Variants in MAP2K6 observed in about 807,000 individuals in gnomAD.
The protein encoded by MAP2K6 is dual specificity mitogen-activated protein kinase kinase 6.
In MAP2K6, 16 loss-of-function variants were observed where a neutral mutation model predicts 53.7. That is an observed-to-expected ratio of 0.30 (90% CI 0.20 to 0.45). The LOEUF is 0.45. MAP2K6 is among the 20% of genes least tolerant of loss of function. MAP2K6 has a pLI of 1.00. For missense variants in MAP2K6, 204 were observed against 411.9 expected (o/e 0.50, Z 4.37); for synonymous variants, 132 against 143.1 (o/e 0.92, Z 0.55).
At chr17:69,470,967 G>C in intron 1 of MAP2K6, among the ~76,000 whole-genome samples, 1 of 152,104 alleles carries the variant, frequency 6.6e-6, no homozygotes, top group Non-Finnish European at 1.5e-5. Context: ...TGTTTATAGG[G>C]GCAGAGGCCC....
chr17:69,478,382 T>C (rs1908231353), intron 1 of MAP2K6, among the ~76,000 whole-genome samples: 1 of 152,122 alleles, frequency 6.6e-6, no homozygotes, highest in African/African-American at 2.4e-5. Flanking sequence ...AAGAGACATA[T>C]GGGAAGATGG....
chr17:69,450,650 C>T (rs1419034959), intron 1 of MAP2K6, among the ~76,000 whole-genome samples: 1 of 151,684 alleles, frequency 6.6e-6, no homozygotes, highest in South Asian at 2.1e-4. Context: ...TTCCTTGAGA[C>T]ATTTTTAAGA....
At chr17:69,449,519 C>T (rs1205092918) in intron 1 of MAP2K6, among the ~76,000 whole-genome samples, 2 of 118,748 alleles carry the variant, frequency 1.7e-5, no homozygotes, top group Admixed American at 1.7e-4. Context: ...CTTTCTTTGT[C>T]TTTCTTTCTT....
intron 10 of MAP2K6, among the ~76,000 whole-genome samples, chr17:69,527,944 T>C (rs532784649): frequency 6.6e-6 from 1 of 151,848 alleles, no homozygotes; most frequent in African/African-American, 2.4e-5. Context: ...GGTGAAAACC[T>C]GACTCTACTA....
At chr17:69,485,761 C>G (rs1278641567) in intron 1 of MAP2K6, among the ~76,000 whole-genome samples, 1 of 152,162 alleles carries the variant, frequency 6.6e-6, no homozygotes, top group African/African-American at 2.4e-5. Flanking sequence ...CCCACGTTGT[C>G]CCTTGGGACA....
intron 1 of MAP2K6, among the ~76,000 whole-genome samples, chr17:69,468,429 A>G (rs1458289475): frequency 6.6e-6 from 1 of 152,250 alleles, no homozygotes; most frequent in Non-Finnish European, 1.5e-5. Flanking sequence ...ACAGCCAACG[A>G]ATCACTGTTT....
rs995212689 is a variant in MAP2K6, at chr17:69,437,113, C to A, written c.16+22113C>A. On this transcript the variant is annotated intron_variant, in intron 1 of 11. Transcript: ENST00000590474. ...AAGTGCTGGGATTACAGGCGTGAGCCACCGTGCCTGCCTGTATATAACTTT... is the reference window on the plus strand; with the variant it reads ...AAGTGCTGGGATTACAGGCGTGAGCAACCGTGCCTGCCTGTATATAACTTT... Among the ~76,000 whole-genome samples the A allele has an allele frequency of 2.0e-5, 3 of 152,196 alleles. 1 individual carries two copies. In the East Asian group the frequency reaches 5.8e-4, roughly 29 times the overall value.
intron 1 of MAP2K6, among the ~76,000 whole-genome samples, chr17:69,468,915 T>C (rs1463657413): frequency 6.6e-6 from 1 of 152,184 alleles, no homozygotes; most frequent in Non-Finnish European, 1.5e-5. Flanking sequence ...GTGTAAGAGC[T>C]TATTGGTTTC....
chr17:69,502,546 T>G, intron 1 of MAP2K6: 1 of 985,478 alleles, frequency 1.0e-6, no homozygotes, highest in Non-Finnish European at 1.2e-6. Context: ...CTATTTTTTT[T>G]TCTTGTTGTT....
chr17:69,541,936 G>A lies in MAP2K6; in HGVS notation c.*183G>A. On this transcript the variant is annotated 3_prime_UTR_variant, in exon 12 of 12. Transcript: ENST00000590474. ...AGGGGGCCTTGGAATCTATAGTATAGAATGAACTGTCTAGATGGATGAATT... is the reference window on the plus strand; with the variant it reads ...AGGGGGCCTTGGAATCTATAGTATAAAATGAACTGTCTAGATGGATGAATT... 1 of 486,606 alleles carries A rather than the reference G, an allele frequency of 2.1e-6. No individual in the cohort carries two copies. Among genetic ancestry groups the A allele is most frequent in the Non-Finnish European group, 3.9e-6 (1 of 258,394 alleles). The allele number at this position is 486,606 out of a possible 1,614,324, so 30.1% of individuals were successfully genotyped here.
At chr17:69,493,990 AAAGT>A (rs1908851739) in intron 1 of MAP2K6, among the ~76,000 whole-genome samples, 1 of 152,328 alleles carries the variant, frequency 6.6e-6, no homozygotes, top group Admixed American at 6.5e-5. Flanking sequence ...GCATAAATTA[AAAGT>A]AAGTGAGGCC....
At chr17:69,457,209 C>A (rs745489570) in intron 1 of MAP2K6, among the ~76,000 whole-genome samples, 22 of 152,182 alleles carry the variant, frequency 1.4e-4, no homozygotes, top group Non-Finnish European at 3.1e-4. Context: ...CAAAGCATGG[C>A]CCCTGCTAGT....
At chr17:69,531,972 TC>T (rs1393939973) in intron 10 of MAP2K6, among the ~76,000 whole-genome samples, 1 of 152,160 alleles carries the variant, frequency 6.6e-6, no homozygotes, top group Non-Finnish European at 1.5e-5. Flanking sequence ...TATAAACTCT[TC>T]CTATAGGTTC....
intron 1 of MAP2K6, among the ~76,000 whole-genome samples, chr17:69,496,176 T>TTG (rs1192003285): frequency 1.3e-5 from 2 of 152,082 alleles, no homozygotes; most frequent in Non-Finnish European, 2.9e-5. Context: ...AATTAGCGGA[T>TTG]GGACAGGCTG....
chr17:69,477,571 A>T (rs1011814610), intron 1 of MAP2K6: 2 of 152,170 alleles, frequency 1.3e-5, no homozygotes, highest in Non-Finnish European at 1.5e-5. Flanking sequence ...AGGTGAGAGG[A>T]GATAAATTAG....
chr17:69,440,803 A>G (rs1244491408), intron 1 of MAP2K6, among the ~76,000 whole-genome samples: 1 of 151,620 alleles, frequency 6.6e-6, no homozygotes, highest in Non-Finnish European at 1.5e-5. Context: ...TTCTGATTAG[A>G]AATCTATTGT....
intron 11 of MAP2K6, among the ~76,000 whole-genome samples, chr17:69,540,618 G>A (rs539237294): frequency 6.6e-6 from 1 of 152,290 alleles, no homozygotes; most frequent in African/African-American, 2.4e-5. Flanking sequence ...ATGGCCTCTT[G>A]AATCACATAC....
chr17:69,537,544 A>C (rs1598321455), intron 11 of MAP2K6, among the ~76,000 whole-genome samples: 1 of 152,364 alleles, frequency 6.6e-6, no homozygotes, highest in Middle Eastern at 3.4e-3. Flanking sequence ...GATATGAGGA[A>C]GCACAGCTTG....
chr17:69,509,968 A>G (rs989069278), intron 2 of MAP2K6, among the ~76,000 whole-genome samples: 1 of 151,968 alleles, frequency 6.6e-6, no homozygotes, highest in Non-Finnish European at 1.5e-5. Context: ...TCAGCCTCCA[A>G]AGTAGGTGGA....
Sources: allele counts gnomAD v4.1 joint callset (sites outside exome capture counted in the v4.1 genomes callset), GRCh38; gene constraint gnomAD v4.1.1; transcripts MANE v1.5; gene names NCBI Gene and HGNC (gene_info 2026-07-23, HGNC 2026-07-21).